Variants in ADAM7 observed in about 807,000 individuals in gnomAD.
The protein encoded by ADAM7 is disintegrin and metalloproteinase domain-containing protein 7.
A neutral mutation model predicts 102.9 loss-of-function variants in ADAM7; 97 were observed. The ratio of observed to expected loss-of-function variants is 0.94; its 90% CI spans 0.80 to 1.12. ADAM7 has a LOEUF of 1.12. Ranked by LOEUF, ADAM7 falls within the 50% of genes most tolerant of loss-of-function variation. The probability of loss-of-function intolerance (pLI) is 0.00; values close to 1 mark genes in which losing one functional copy is unlikely to be tolerated. For missense variants in ADAM7, 991 were observed against 908.7 expected (o/e 1.09, Z -1.16); for synonymous variants, 334 against 304.4 (o/e 1.10, Z -1.01).
intron 3 of ADAM7, among the ~76,000 whole-genome samples, chr8:24,449,935 G>T (rs1440348404): frequency 6.6e-6 from 1 of 152,122 alleles, no homozygotes; most frequent in Admixed American, 6.5e-5. Flanking sequence ...GTTTTTCTCA[G>T]GTTTGTCAAA....
chr8:24,474,974 A>C (rs142095533), intron 7 of ADAM7, among the ~76,000 whole-genome samples: 1 of 152,260 alleles, frequency 6.6e-6, no homozygotes, highest in Non-Finnish European at 1.5e-5. Context: ...TAAAATAAGG[A>C]AACCAAAGGC....
At chr8:24,505,950 T>G in intron 20 of ADAM7, 1 of 635,274 alleles carries the variant, frequency 1.6e-6, no homozygotes, top group Non-Finnish European at 2.8e-6. Flanking sequence ...TCTTCTCATA[T>G]GTAAATTTGT....
chr8:24,453,084 T>A (rs1196862142), intron 3 of ADAM7, among the ~76,000 whole-genome samples: 6 of 151,718 alleles, frequency 4.0e-5, no homozygotes, highest in Non-Finnish European at 8.8e-5. Flanking sequence ...GCCCTTAACA[T>A]TTTTTCCTTC....
chr8:24,449,889 C>T (rs1196213817), intron 3 of ADAM7, among the ~76,000 whole-genome samples: 1 of 152,178 alleles, frequency 6.6e-6, no homozygotes, highest in African/African-American at 2.4e-5. Flanking sequence ...TTTCCCAGCA[C>T]CATTTATTAA....
At chr8:24,473,944 A>G (rs1819689129) in intron 7 of ADAM7, among the ~76,000 whole-genome samples, 1 of 152,100 alleles carries the variant, frequency 6.6e-6, no homozygotes, top group Non-Finnish European at 1.5e-5. Flanking sequence ...ATTCATAATA[A>G]AACTCTTAGG....
rs754683685 is a variant in ADAM7 at position 24,482,236 on chromosome 8, C to A, written c.800C>A (p.Thr267Asn). ...KIELYSNIET[T>N]LLRFSFWQEK... Reference sequence around the variant, plus strand: ...GAACTATATTCAAATATAGAAACTACCTTATTGCGTTTTTCATTTTGGCAA... The same window carrying A: ...GAACTATATTCAAATATAGAAACTAACTTATTGCGTTTTTCATTTTGGCAA... Residue 267 changes from threonine to asparagine, a missense_variant, in exon 9 of 22, where the codon ACC (threonine) becomes AAC (asparagine). By Grantham distance (65) the Thr-to-Asn change is moderately conservative (BLOSUM62 0). Coordinates refer to ENST00000175238, the MANE Select transcript of ADAM7 (RefSeq NM_003817.4). 87 of 1,610,702 alleles carry A rather than the reference C, an allele frequency of 5.4e-5. No individual in the cohort carries two copies. The highest frequency in any genetic ancestry group is 7.1e-5 in the Non-Finnish European group (84 of 1,178,916).
chr8:24,492,447 T>C lies in ADAM7; in HGVS notation c.1553-48T>C, dbSNP rs775914558. The C allele has an allele frequency of 1.3e-5, 17 of 1,322,132 alleles. No homozygotes were observed. In the South Asian group the frequency reaches 2.3e-4, roughly 18 times the overall value. 81.9% of individuals were successfully genotyped at this position (1,322,132 alleles called of 1,614,324 possible). ...GAAAAATAAGGTCTTTTATGATTCATGATAGTCATGCTTTATTGTTTTACT... is the reference window on the plus strand; with the variant it reads ...GAAAAATAAGGTCTTTTATGATTCACGATAGTCATGCTTTATTGTTTTACT... On this transcript the variant is annotated intron_variant, in intron 14 of 21. Transcript: ENST00000175238.
At position 24,442,466 on chromosome 8, in the gene ADAM7, C is replaced by T; in HGVS notation, c.53-7C>T. ...GACGGATTTTTTCCTCTTATGTTTC[C>T]TCGTAGAAAAGTTCATCCTTGGAGT... is the stretch of plus-strand genomic sequence containing the variant. On this transcript the variant is annotated splice_polypyrimidine_tract_variant and splice_region_variant and intron_variant, in intron 1 of 21. Coordinates refer to ENST00000175238, the MANE Select transcript of ADAM7 (RefSeq NM_003817.4). 2 of 1,601,496 alleles carry T rather than the reference C, an allele frequency of 1.2e-6. No individual in the cohort carries two copies. Among genetic ancestry groups the T allele is most frequent in the Non-Finnish European group, 1.7e-6 (2 of 1,168,602 alleles).
chr8:24,463,748 T>G (rs981783809), intron 3 of ADAM7, 134 bp from the exon 4 acceptor site: 1 of 657,116 alleles, frequency 1.5e-6, no homozygotes, highest in Non-Finnish European at 2.5e-6. Flanking sequence ...TTGATTTTGC[T>G]TTACTATTTC....
chr8:24,465,627 A>C, intron 4 of ADAM7, 72 bp from the exon 5 acceptor site: 1 of 893,208 alleles, frequency 1.1e-6, no homozygotes, highest in Non-Finnish European at 1.6e-6. Context: ...CTGAACAGAA[A>C]ATATTTAGAT....
chr8:24,470,372 G>A (rs1467464026), intron 7 of ADAM7, among the ~76,000 whole-genome samples: 13 of 151,952 alleles, frequency 8.6e-5, no homozygotes, highest in Non-Finnish European at 1.5e-5. Flanking sequence ...CACTTCATAA[G>A]TAAAGTGTGA....
rs369818568 is a variant in ADAM7, at chr8:24,489,395, G to C, written c.1266+62G>C. ...TTATGATCAGGTAGAACCTAGGCAG[G>C]GATGTGGCCATTAATCAAACCAACC... On this transcript the variant is annotated intron_variant, in intron 12 of 21. Transcript: ENST00000175238. 6.1e-6 allele frequency: 9 copies of C among 1,463,614 alleles called. No individual in the cohort carries two copies. The African/African-American group carries it at 8.5e-5, about 14-fold the overall frequency. 90.7% of individuals were successfully genotyped at this position (1,463,614 alleles called of 1,614,324 possible).
intron 17 of ADAM7, among the ~76,000 whole-genome samples, chr8:24,499,822 A>T (rs879300347): frequency 0.011 from 1,443 of 135,562 alleles, 9 homozygotes; most frequent in Middle Eastern, 0.03. Flanking sequence ...ACACACACAC[A>T]CACACATCAC....
At chr8:24,498,756 C>A (rs1238920323) in intron 16 of ADAM7, among the ~76,000 whole-genome samples, 2 of 151,504 alleles carry the variant, frequency 1.3e-5, no homozygotes, top group Admixed American at 1.3e-4. Flanking sequence ...TTTTAGTGAT[C>A]AAATTTACCA....
intron 3 of ADAM7, among the ~76,000 whole-genome samples, chr8:24,450,086 T>G (rs1174332322): frequency 6.6e-6 from 1 of 152,192 alleles, no homozygotes; most frequent in East Asian, 1.9e-4. Context: ...GGTAGCATGA[T>G]GCCTCCAGCT....
intron 6 of ADAM7, 37 bp from the exon 7 acceptor site, chr8:24,468,730 T>C (rs1433914380): frequency 6.3e-7 from 1 of 1,585,698 alleles, no homozygotes; most frequent in Middle Eastern, 1.7e-4. Flanking sequence ...TAGAAAGTGT[T>C]AACTATACTT....
chr8:24,459,689 G>A (rs1049764924), intron 3 of ADAM7, among the ~76,000 whole-genome samples: 1 of 152,042 alleles, frequency 6.6e-6, no homozygotes, highest in African/African-American at 2.4e-5. Flanking sequence ...CGAACTCCAG[G>A]CCTCAAGCAA....
intron 10 of ADAM7, among the ~76,000 whole-genome samples, chr8:24,486,364 T>C (rs912788921): frequency 6.6e-6 from 1 of 152,186 alleles, no homozygotes; most frequent in Non-Finnish European, 1.5e-5. Context: ...ACATTTAAGT[T>C]TTTCCCATAA....
intron 13 of ADAM7, 176 bp from the exon 14 acceptor site, chr8:24,491,727 A>G (rs1820363533): frequency 1.9e-6 from 1 of 537,218 alleles, no homozygotes; most frequent in African/African-American, 1.9e-5. Context: ...CATTCTTAAA[A>G]TTACATGAGT....
Sources: gnomAD v4.1 joint callset for allele counts (sites outside exome capture counted in the v4.1 genomes callset) on GRCh38, gnomAD v4.1.1 for gene constraint, MANE v1.5 for transcripts, NCBI Gene and HGNC (gene_info 2026-07-23, HGNC 2026-07-21) for gene names.